ANKS1B: variants seen among roughly 807,000 people sequenced by gnomAD.
ANKS1B encodes the protein ankyrin repeat and sterile alpha motif domain containing 1B.
A neutral mutation model predicts 148.3 loss-of-function variants in ANKS1B; 36 were observed. The observed-to-expected ratio is 0.24, with a 90% CI of 0.19 to 0.32. The LOEUF is 0.32. Among genes scored for constraint, ANKS1B ranks in the 10% least tolerant of loss-of-function variants. The pLI is 1.00. For missense variants in ANKS1B, 1,157 were observed against 1,542.6 expected (o/e 0.75, Z 4.19); for synonymous variants, 542 against 560.8 (o/e 0.97, Z 0.47).
At chr12:98,961,896 A>T (rs148312324) in intron 17 of ANKS1B, among the ~76,000 whole-genome samples, 1 of 152,204 alleles carries the variant, frequency 6.6e-6, no homozygotes, top group East Asian at 1.9e-4. Flanking sequence ...TCAAATCAAA[A>T]ATCATACAAC....
At chr12:99,141,431 ATT>A (rs1019646908) in intron 15 of ANKS1B, among the ~76,000 whole-genome samples, 10 of 124,674 alleles carry the variant, frequency 8.0e-5, no homozygotes, top group Non-Finnish European at 1.4e-4. Flanking sequence ...TTCAACTTTT[ATT>A]TTAAGTTCCT....
chr12:99,598,255 G>A (rs1481217599), intron 9 of ANKS1B, among the ~76,000 whole-genome samples: 2 of 152,036 alleles, frequency 1.3e-5, no homozygotes, highest in Middle Eastern at 3.2e-3. Context: ...GCCAGGCACT[G>A]GGTATTACAA....
At chr12:99,928,281 T>TA (rs1566017602) in intron 1 of ANKS1B, among the ~76,000 whole-genome samples, 58 of 147,052 alleles carry the variant, frequency 3.9e-4, no homozygotes, top group Admixed American at 2.0e-3. Flanking sequence ...ATTTTTTTTT[T>TA]TTTTTTTTGA....
chr12:98,883,988 T>C (rs998491467), intron 17 of ANKS1B, among the ~76,000 whole-genome samples: 2 of 152,196 alleles, frequency 1.3e-5, no homozygotes, highest in Admixed American at 1.3e-4. Flanking sequence ...GAGCCAAAGC[T>C]GTATTTTAAT....
At chr12:99,982,333 TAAAAAA>T (rs35728993) in intron 1 of ANKS1B, among the ~76,000 whole-genome samples, 1 of 144,484 alleles carries the variant, frequency 6.9e-6, no homozygotes, top group African/African-American at 2.5e-5. Flanking sequence ...ATCTATTCTT[TAAAAAA>T]AAAAAAAAAA....
At chr12:98,852,535 T>C (rs188901860) in intron 17 of ANKS1B, among the ~76,000 whole-genome samples, 1 of 152,082 alleles carries the variant, frequency 6.6e-6, no homozygotes, top group Non-Finnish European at 1.5e-5. Context: ...CTTGGAGTGT[T>C]GAGAAAAAGT....
intron 8 of ANKS1B, among the ~76,000 whole-genome samples, chr12:99,680,031 A>G (rs1489617218): frequency 6.6e-6 from 1 of 152,208 alleles, no homozygotes; most frequent in Non-Finnish European, 1.5e-5. Context: ...TGAAAGGGGA[A>G]AATCTGCCTC....
intron 9 of ANKS1B, among the ~76,000 whole-genome samples, chr12:99,603,394 T>C (rs2097822754): frequency 6.6e-6 from 1 of 152,124 alleles, no homozygotes; most frequent in African/African-American, 2.4e-5. Flanking sequence ...GAAAGTGACA[T>C]TCTTTAGCCA....
At chr12:99,569,653 G>A (rs1280266551) in intron 9 of ANKS1B, among the ~76,000 whole-genome samples, 1 of 152,174 alleles carries the variant, frequency 6.6e-6, no homozygotes, top group Non-Finnish European at 1.5e-5. Flanking sequence ...AAAGCTCTTT[G>A]TTGTCAGCCC....
At chr12:99,611,679 T>C in intron 9 of ANKS1B, among the ~76,000 whole-genome samples, 1 of 152,130 alleles carries the variant, frequency 6.6e-6, no homozygotes, top group South Asian at 2.1e-4. Flanking sequence ...AAATTATTTT[T>C]AATGCCCATT....
intron 9 of ANKS1B, among the ~76,000 whole-genome samples, chr12:99,566,759 G>C (rs1197576467): frequency 6.6e-6 from 1 of 152,014 alleles, no homozygotes; most frequent in African/African-American, 2.4e-5. Flanking sequence ...CCATGCTCTT[G>C]GACTTCCCAG....
chr12:99,149,077 G>A (rs2074124714), intron 15 of ANKS1B, among the ~76,000 whole-genome samples: 1 of 151,738 alleles, frequency 6.6e-6, no homozygotes, highest in South Asian at 2.1e-4. Flanking sequence ...GGGGAGGGGG[G>A]TGACTAATCT....
At chr12:99,109,906 T>G (rs2059957599) in intron 15 of ANKS1B, among the ~76,000 whole-genome samples, 1 of 152,168 alleles carries the variant, frequency 6.6e-6, no homozygotes, top group Non-Finnish European at 1.5e-5. Context: ...AACATCTTGC[T>G]TTAAGATGAG....
intron 22 of ANKS1B, among the ~76,000 whole-genome samples, chr12:98,787,675 G>A (rs754780176): frequency 2.3e-4 from 35 of 151,688 alleles, no homozygotes; most frequent in Non-Finnish European, 4.3e-4. Flanking sequence ...ATCCCAGCAC[G>A]TAGGGAGGCT....
chr12:98,758,170 G>A (rs1441502928), intron 25 of ANKS1B, among the ~76,000 whole-genome samples: 2 of 151,948 alleles, frequency 1.3e-5, no homozygotes, highest in African/African-American at 4.8e-5. Context: ...GCTTCAACAT[G>A]GGCTCTTTAA....
At chr12:99,191,549 A>T (rs999670520) in intron 14 of ANKS1B, among the ~76,000 whole-genome samples, 1 of 152,200 alleles carries the variant, frequency 6.6e-6, no homozygotes, top group East Asian at 1.9e-4. Context: ...TTGCAGGGAC[A>T]TGGATGAAGC....
chr12:99,714,538 TTTA>T (rs2057050948), intron 8 of ANKS1B, among the ~76,000 whole-genome samples: 3 of 152,174 alleles, frequency 2.0e-5, no homozygotes, highest in Non-Finnish European at 2.9e-5. Flanking sequence ...TTTCAAGTTT[TTTA>T]TTATTATTAT....
chr12:99,713,103 A>G (rs2056853945), intron 8 of ANKS1B, among the ~76,000 whole-genome samples: 2 of 152,206 alleles, frequency 1.3e-5, no homozygotes, highest in African/African-American at 4.8e-5. Flanking sequence ...CAGGGAGTAA[A>G]TCCATCAAAC....
At chr12:98,757,554 G>T (rs7954349) in intron 25 of ANKS1B, among the ~76,000 whole-genome samples, 5 of 152,258 alleles carry the variant, frequency 3.3e-5, no homozygotes, top group South Asian at 2.1e-4. Context: ...GGAGCCACCC[G>T]GTCCCCTGGC....
Sources: allele counts gnomAD v4.1 joint callset (sites outside exome capture counted in the v4.1 genomes callset), GRCh38; gene constraint gnomAD v4.1.1; transcripts MANE v1.5; gene names NCBI Gene and HGNC (gene_info 2026-07-23, HGNC 2026-07-21).